The following PEX14 variants were observed in gnomAD, a reference collection of about 807,000 sequenced individuals.
The protein encoded by PEX14 is peroxisomal biogenesis factor 14, also known as peroxisomal membrane protein PEX14.
Under a neutral mutation model 49.5 loss-of-function variants are expected in PEX14, and 15 were observed. That is an observed-to-expected ratio of 0.30 (90% CI 0.20 to 0.47). PEX14 has a LOEUF of 0.47. PEX14 is among the 20% of genes least tolerant of loss of function. PEX14 has a pLI of 1.00. For synonymous variants in PEX14, 210 were observed against 212.7 expected (o/e 0.99, Z 0.11); for missense variants, 398 against 494.8 (o/e 0.80, Z 1.86).
chr1:10,600,256 C>T (rs912746611), intron 4 of PEX14, among the ~76,000 whole-genome samples: 1 of 151,864 alleles, frequency 6.6e-6, no homozygotes, highest in South Asian at 2.1e-4. Context: ...CCTGTCTCTA[C>T]TAAAAATACA....
At position 10,578,446 on chromosome 1, in the gene PEX14, G is replaced by A. The variant is rs139869643; in HGVS notation, c.170-20792G>A. On this transcript the variant is annotated intron_variant, in intron 3 of 8. Transcript: ENST00000356607. ...TTGTGCCTACACCAGATCTACAGGT[G>A]ATTTAACTGTCTACTAGAAAAAACT... 3.6e-4 allele frequency among the ~76,000 whole-genome samples: 55 copies of A among 152,258 alleles called. 2 individuals are homozygous for A. In the South Asian group the frequency reaches 9.6e-3, roughly 26 times the overall value.
chr1:10,622,818 G>C (rs576455333), intron 5 of PEX14, among the ~76,000 whole-genome samples: 1 of 152,208 alleles, frequency 6.6e-6, no homozygotes, highest in Non-Finnish European at 1.5e-5. Flanking sequence ...CCTGGTCCTT[G>C]TCCTTATTCA....
chr1:10,485,453 ACT>A lies in PEX14; in HGVS notation c.37-9819_37-9818del, dbSNP rs202143132. Among the ~76,000 whole-genome samples the A allele has an allele frequency of 6.2e-4, 93 of 150,522 alleles. 1 individual carries two copies. The East Asian group carries it at 0.018, about 29-fold the overall frequency. Reference sequence around the variant, plus strand: ...AGCCTCAGCCTCCTGAGTAGCTAAGACTCAGGTGCATGCCACCATGCCCAGCT... The same window carrying A: ...AGCCTCAGCCTCCTGAGTAGCTAAGACAGGTGCATGCCACCATGCCCAGCT... On this transcript the variant is annotated intron_variant, in intron 1 of 8. Coordinates refer to ENST00000356607, the MANE Select transcript of PEX14 (RefSeq NM_004565.3).
intron 3 of PEX14, among the ~76,000 whole-genome samples, chr1:10,538,705 G>A (rs976493664): frequency 7.2e-5 from 11 of 152,260 alleles, no homozygotes; most frequent in African/African-American, 2.4e-4. Context: ...CGATGGGGAT[G>A]AGGGTGAACA....
intron 3 of PEX14, among the ~76,000 whole-genome samples, chr1:10,558,473 G>T (rs1024485766): frequency 1.3e-5 from 2 of 151,882 alleles, no homozygotes; most frequent in African/African-American, 4.8e-5. Flanking sequence ...TGTGGCTCAT[G>T]CCTGTAATCC....
chr1:10,614,281 GCTT>G (rs1278454844), intron 4 of PEX14, among the ~76,000 whole-genome samples: 3 of 152,148 alleles, frequency 2.0e-5, no homozygotes, highest in Admixed American at 1.3e-4. Context: ...TGGCATTTCA[GCTT>G]CTTGTCTTTA....
chr1:10,626,880 G>A (rs1031040332), intron 7 of PEX14, among the ~76,000 whole-genome samples: 1 of 152,236 alleles, frequency 6.6e-6, no homozygotes, highest in African/African-American at 2.4e-5. Context: ...AAAGGGGAAA[G>A]GTGTGCATGG....
chr1:10,623,235 C>A lies in PEX14; in HGVS notation c.487+114C>A. The A allele has an allele frequency of 1.4e-6, 1 of 728,092 alleles. No individual in the cohort carries two copies. The highest frequency in any genetic ancestry group is 2.5e-6 in the Non-Finnish European group (1 of 401,252). The allele number at this position is 728,092 out of a possible 1,614,324, so 45.1% of individuals were successfully genotyped here. A position where few individuals can be genotyped will look rare whatever the true frequency, so the allele number is the denominator to read the frequency against. ...TCTATGTGGTGACTTCATTTATCTG[C>A]TCTGAGAATCTGTTCACATTTGCAA... On this transcript the variant is annotated intron_variant, in intron 6 of 8. Coordinates refer to ENST00000356607, the MANE Select transcript of PEX14 (RefSeq NM_004565.3). This position sits in a 1 kb window ranked among gnomAD's most constrained non-coding sequence, Gnocchi z 4.4.
At chr1:10,618,584 A>G (rs1362254137) in intron 5 of PEX14, among the ~76,000 whole-genome samples, 167 bp downstream of exon 5, 1 of 152,126 alleles carries the variant, frequency 6.6e-6, no homozygotes, top group Non-Finnish European at 1.5e-5. Context: ...ATCCAGGCAG[A>G]CCCTGCCCTG....
Position 10,604,984 on chromosome 1 carries a change from G to T in PEX14, c.298+5618G>T, listed in dbSNP as rs184423113. Among the ~76,000 whole-genome samples, 689 of 152,208 alleles carry T rather than the reference G, an allele frequency of 4.5e-3. 3 individuals are homozygous for T. Among genetic ancestry groups the T allele is most frequent in the Non-Finnish European group, 7.2e-3 (489 of 68,018 alleles). On this transcript the variant is annotated intron_variant, in intron 4 of 8. Transcript: ENST00000356607. ...GGGCCAGCACTCGCTCCTCCAGGGA[G>T]TCTTTCCAGTGCCTCCATTCTGACT...
intron 3 of PEX14, among the ~76,000 whole-genome samples, chr1:10,588,694 GATGGTC>G (rs1302409737): frequency 2.6e-5 from 4 of 152,104 alleles, no homozygotes; most frequent in Non-Finnish European, 5.9e-5. Context: ...TGATCAGATC[GATGGTC>G]ATGGTATCCA....
chr1:10,526,041 C>T (rs1483301421), intron 2 of PEX14, among the ~76,000 whole-genome samples: 1 of 151,398 alleles, frequency 6.6e-6, no homozygotes, highest in Non-Finnish European at 1.5e-5. Context: ...CCTACCTCGA[C>T]CTCCCTAGTA....
chr1:10,522,485 G>T (rs1357901000), intron 2 of PEX14, among the ~76,000 whole-genome samples: 1 of 152,212 alleles, frequency 6.6e-6, no homozygotes, highest in African/African-American at 2.4e-5. Context: ...CATTTGTCAG[G>T]GTTGTTGGAG....
At chr1:10,611,307 G>A (rs931774394) in intron 4 of PEX14, among the ~76,000 whole-genome samples, 1 of 152,148 alleles carries the variant, frequency 6.6e-6, no homozygotes, top group South Asian at 2.1e-4. Context: ...TTAGCTCATG[G>A]CTACATAAAA....
intron 8 of PEX14, among the ~76,000 whole-genome samples, chr1:10,627,975 G>A (rs1641799598): frequency 6.6e-6 from 1 of 151,986 alleles, no homozygotes; most frequent in Non-Finnish European, 1.5e-5. Context: ...TCGCTCTGTT[G>A]CCCAGGCTGC....
At chr1:10,592,083 C>T (rs917024286) in intron 3 of PEX14, among the ~76,000 whole-genome samples, 2 of 152,196 alleles carry the variant, frequency 1.3e-5, no homozygotes, top group African/African-American at 2.4e-5. Flanking sequence ...TTCATGACCT[C>T]TTCTGAAAAC....
At chr1:10,585,070 G>T (rs7516853) in intron 3 of PEX14, among the ~76,000 whole-genome samples, 2 of 152,122 alleles carry the variant, frequency 1.3e-5, no homozygotes, top group African/African-American at 2.4e-5. Flanking sequence ...GATGTCTAGG[G>T]CGTTGGTTCG....
chr1:10,625,575 G>A (rs1641720924), intron 7 of PEX14, among the ~76,000 whole-genome samples: 1 of 152,188 alleles, frequency 6.6e-6, no homozygotes, highest in Non-Finnish European at 1.5e-5. Flanking sequence ...GGTGCCACCT[G>A]CTCTTCCTCC....
chr1:10,573,281 T>C (rs866104846), intron 3 of PEX14, among the ~76,000 whole-genome samples: 16 of 152,198 alleles, frequency 1.1e-4, no homozygotes, highest in Non-Finnish European at 1.6e-4. Context: ...CATAACCTAA[T>C]TTTTAAAGTG....
Sources: gnomAD v4.1 joint callset for allele counts (sites outside exome capture counted in the v4.1 genomes callset) on GRCh38, gnomAD v4.1.1 for gene constraint, Gnocchi (gnomAD v3.1) non-coding constraint, MANE v1.5 for transcripts, NCBI Gene and HGNC (gene_info 2026-07-23, HGNC 2026-07-21) for gene names.